Variants in ASIC2 observed in about 807,000 individuals in gnomAD.
ASIC2 encodes acid-sensing ion channel 2.
ASIC2 carries 25 observed loss-of-function variants against 57.3 expected under a neutral mutation model. The observed-to-expected ratio is 0.44, with a 90% CI of 0.32 to 0.61. The LOEUF is 0.61. Among genes scored for constraint, ASIC2 ranks in the 20% least tolerant of loss-of-function variants. The pLI is 0.06. For missense variants in ASIC2, 641 were observed against 738.1 expected, an observed-to-expected ratio of 0.87 and a Z score of 1.52; for synonymous variants, 319 against 307.5, an observed-to-expected ratio of 1.04 and a Z score of -0.39.
At chr17:33,543,633 C>T (rs1053125526) in intron 1 of ASIC2, among the ~76,000 whole-genome samples, 3 of 152,216 alleles carry the variant, frequency 2.0e-5, no homozygotes, top group African/African-American at 7.2e-5. Context: ...ATGCGAGCTA[C>T]CATTATCGAG....
intron 1 of ASIC2, among the ~76,000 whole-genome samples, chr17:33,425,814 G>A (rs568507070): frequency 2.6e-5 from 4 of 152,228 alleles, no homozygotes; most frequent in Admixed American, 6.5e-5. Flanking sequence ...GACATTCACT[G>A]ACAGATTCTA....
intron 1 of ASIC2, among the ~76,000 whole-genome samples, chr17:33,938,626 T>C (rs1916119197): frequency 6.6e-6 from 1 of 152,202 alleles, no homozygotes; most frequent in Non-Finnish European, 1.5e-5. Flanking sequence ...TGGAGAGTTA[T>C]TTGCCCAAGG....
chr17:33,123,317 G>A (rs1296753775), intron 1 of ASIC2, among the ~76,000 whole-genome samples: 1 of 152,152 alleles, frequency 6.6e-6, no homozygotes, highest in Non-Finnish European at 1.5e-5. Context: ...CCTTTAAAAA[G>A]AAGGCAGTTC....
rs557496519 is a variant in ASIC2, at chr17:33,473,819, C to A, written c.556-361752G>T. Among the ~76,000 whole-genome samples, 5 of 152,146 alleles carry A rather than the reference C, an allele frequency of 3.3e-5. No homozygotes were observed. The South Asian group carries it at 1.0e-3, about 32-fold the overall frequency. ...CCAGATCTTCTTTCTCCTGAAACCA[C>A]CTTTTTCTTTGCTCCAAAGATCCCA... On this transcript the variant is annotated intron_variant, in intron 1 of 9. Coordinates refer to the ASIC2 transcript ENST00000359872.
intron 1 of ASIC2, among the ~76,000 whole-genome samples, chr17:33,125,344 G>C (rs185538500): frequency 6.6e-6 from 1 of 152,222 alleles, no homozygotes; most frequent in Non-Finnish European, 1.5e-5. Context: ...AGCTTTTTAA[G>C]TTGGGCTAAT....
At chr17:33,890,599 G>C (rs1187555034) in intron 1 of ASIC2, among the ~76,000 whole-genome samples, 5 of 152,162 alleles carry the variant, frequency 3.3e-5, no homozygotes, top group Non-Finnish European at 1.5e-5. Context: ...GTTGGATCTG[G>C]GCATGCTGCT....
intron 1 of ASIC2, among the ~76,000 whole-genome samples, chr17:33,823,148 G>C (rs1912800275): frequency 6.6e-6 from 1 of 152,134 alleles, no homozygotes; most frequent in Non-Finnish European, 1.5e-5. Context: ...AGTAGTGGGG[G>C]CTTTATGCAG....
intron 1 of ASIC2, among the ~76,000 whole-genome samples, chr17:33,763,165 T>C (rs1188480872): frequency 6.6e-6 from 1 of 152,196 alleles, no homozygotes; most frequent in East Asian, 1.9e-4. Flanking sequence ...GATACAAGTC[T>C]CCTGACTACG....
At chr17:33,950,457 GTAA>G (rs1904523535) in intron 1 of ASIC2, among the ~76,000 whole-genome samples, 1 of 151,754 alleles carries the variant, frequency 6.6e-6, no homozygotes, top group South Asian at 2.1e-4. Flanking sequence ...CACTGGAAAA[GTAA>G]TAAAGCAATA....
intron 1 of ASIC2, among the ~76,000 whole-genome samples, chr17:34,122,676 T>C (rs2142120521): frequency 6.6e-6 from 1 of 152,312 alleles, no homozygotes; most frequent in East Asian, 1.9e-4. Context: ...ATCCCAAGCT[T>C]TGTTTACAGT....
chr17:33,608,809 C>T (rs9908298), intron 1 of ASIC2, among the ~76,000 whole-genome samples: 3,161 of 152,248 alleles, frequency 0.021, 57 homozygotes, highest in East Asian at 0.071. Context: ...CTTCTGCATT[C>T]GTTCTTCCTA....
intron 1 of ASIC2, among the ~76,000 whole-genome samples, chr17:33,788,207 A>G (rs1020543927): frequency 6.6e-6 from 1 of 152,126 alleles, no homozygotes; most frequent in African/African-American, 2.4e-5. Flanking sequence ...ACATAAACAT[A>G]TTTACAAGAA....
At chr17:33,350,621 G>T (rs1340308347) in intron 1 of ASIC2, among the ~76,000 whole-genome samples, 1 of 151,506 alleles carries the variant, frequency 6.6e-6, no homozygotes, top group Non-Finnish European at 1.5e-5. Flanking sequence ...AGCAGAGGTT[G>T]CAGTGAGCCA....
At chr17:34,062,187 G>A (rs1908994209) in intron 1 of ASIC2, among the ~76,000 whole-genome samples, 1 of 152,060 alleles carries the variant, frequency 6.6e-6, no homozygotes, top group South Asian at 2.1e-4. Context: ...TCAAACCACA[G>A]TGGAATAAAA....
At chr17:34,065,290 A>C (rs1006384160) in intron 1 of ASIC2, among the ~76,000 whole-genome samples, 1 of 152,184 alleles carries the variant, frequency 6.6e-6, no homozygotes, top group African/African-American at 2.4e-5. Flanking sequence ...AAAACCACAC[A>C]TCGTATGTTC....
chr17:33,342,552 G>A (rs559859163), intron 1 of ASIC2, among the ~76,000 whole-genome samples: 2 of 152,202 alleles, frequency 1.3e-5, no homozygotes, highest in African/African-American at 2.4e-5. Flanking sequence ...GCTCCCAATA[G>A]CCTGACCATT....
At chr17:33,908,164 G>T (rs1220997344) in intron 1 of ASIC2, among the ~76,000 whole-genome samples, 1 of 152,190 alleles carries the variant, frequency 6.6e-6, no homozygotes, top group Non-Finnish European at 1.5e-5. Context: ...TGTGCCCGCT[G>T]TATTCTTAGA....
At chr17:33,281,582 GT>G (rs1904952535) in intron 1 of ASIC2, among the ~76,000 whole-genome samples, 1 of 152,226 alleles carries the variant, frequency 6.6e-6, no homozygotes, top group Non-Finnish European at 1.5e-5. Flanking sequence ...TATGGTCTGT[GT>G]TTCGCAAATG....
chr17:33,103,874 T>C (rs1442431747), intron 2 of ASIC2, among the ~76,000 whole-genome samples: 1 of 152,232 alleles, frequency 6.6e-6, no homozygotes, highest in African/African-American at 2.4e-5. Flanking sequence ...GTATGGCTGC[T>C]TCTGGCCATG....
Sources: allele counts gnomAD v4.1 joint callset (sites outside exome capture counted in the v4.1 genomes callset), GRCh38; gene constraint gnomAD v4.1.1; transcripts MANE v1.5; gene names NCBI Gene and HGNC (gene_info 2026-07-23, HGNC 2026-07-21).